Variants in NPAS3 observed in about 807,000 individuals in gnomAD.
NPAS3 encodes neuronal PAS domain protein 3.
Under a neutral mutation model 73.1 loss-of-function variants are expected in NPAS3, and 14 were observed. The ratio of observed to expected loss-of-function variants is 0.19; its 90% CI spans 0.13 to 0.30. NPAS3 has a LOEUF of 0.30. Ranked by LOEUF, NPAS3 falls within the 10% of genes least tolerant of loss-of-function variation. The pLI is 1.00. For synonymous variants in NPAS3, 620 were observed against 541.5 expected (o/e 1.14, Z -2.01); for missense variants, 1,096 against 1,250.0 (o/e 0.88, Z 1.86).
chr14:33,201,377 C>T (rs1377589420), intron 2 of NPAS3, among the ~76,000 whole-genome samples: 10 of 151,820 alleles, frequency 6.6e-5, no homozygotes, highest in Non-Finnish European at 1.5e-4. Context: ...CCCCATTGCC[C>T]CTGGTGGCTC....
chr14:33,751,684 A>C (rs2061967402), intron 7 of NPAS3, among the ~76,000 whole-genome samples: 2 of 152,198 alleles, frequency 1.3e-5, no homozygotes, highest in African/African-American at 4.8e-5. Context: ...TGACCTTTCA[A>C]GATGATAATT....
intron 3 of NPAS3, among the ~76,000 whole-genome samples, chr14:33,286,815 C>T (rs2041894991): frequency 6.6e-6 from 1 of 152,120 alleles, no homozygotes; most frequent in Non-Finnish European, 1.5e-5. Flanking sequence ...ACTTTTCCCA[C>T]TGTGAAGAAG....
At chr14:33,157,705 T>G (rs1049449782) in intron 2 of NPAS3, among the ~76,000 whole-genome samples, 3 of 152,220 alleles carry the variant, frequency 2.0e-5, no homozygotes, top group Non-Finnish European at 4.4e-5. Context: ...TCATGGAATA[T>G]GTACCTTATG....
intron 9 of NPAS3, among the ~76,000 whole-genome samples, chr14:33,790,530 C>G (rs2063326434): frequency 6.6e-6 from 1 of 151,766 alleles, no homozygotes; most frequent in African/African-American, 2.4e-5. Context: ...TGGAATGATC[C>G]AACTGATTTG....
intron 3 of NPAS3, among the ~76,000 whole-genome samples, chr14:33,302,001 G>A (rs7154576): frequency 0.094 from 14,304 of 152,172 alleles, 1,225 homozygotes; most frequent in African/African-American, 0.21. Context: ...CTCTCCGTGC[G>A]TGGCTTGCCT....
intron 2 of NPAS3, among the ~76,000 whole-genome samples, chr14:33,132,367 C>T (rs1047178068): frequency 6.6e-6 from 1 of 152,080 alleles, no homozygotes; most frequent in Non-Finnish European, 1.5e-5. Flanking sequence ...AATGAGTATC[C>T]AGATGATTTT....
intron 1 of NPAS3, among the ~76,000 whole-genome samples, chr14:32,961,342 T>G (rs969908396): frequency 7.1e-6 from 1 of 140,968 alleles, no homozygotes; most frequent in Non-Finnish European, 1.5e-5. Flanking sequence ...ACCAGGGAGG[T>G]GGAGGTTGCA....
chr14:33,425,369 GAGTT>G (rs1475634992), intron 4 of NPAS3, among the ~76,000 whole-genome samples: 2 of 151,946 alleles, frequency 1.3e-5, no homozygotes, highest in Non-Finnish European at 2.9e-5. Flanking sequence ...AGGAGTTGAT[GAGTT>G]AGTTACTTTT....
chr14:33,363,517 A>G lies in NPAS3; in HGVS notation c.386-3669A>G, dbSNP rs1488103532. Among the ~76,000 whole-genome samples, 3 of 152,210 alleles carry G rather than the reference A, an allele frequency of 2.0e-5. No individual in the cohort carries two copies. The East Asian group carries it at 5.8e-4, about 29-fold the overall frequency. ...TCCTAGATGATTTTTTAAAAAACCA[A>G]TAAACCCTTCTCCCTGTATTTCTCT... On this transcript the variant is annotated intron_variant, in intron 3 of 11. Transcript: ENST00000356141.
chr14:33,237,490 C>G (rs1265820505), intron 3 of NPAS3, among the ~76,000 whole-genome samples: 2 of 151,976 alleles, frequency 1.3e-5, no homozygotes, highest in East Asian at 1.9e-4. Flanking sequence ...AATCCCAGAC[C>G]ATGTTGTAAG....
chr14:32,935,038 C>G, upstream of NPAS3: 6 of 1,234,658 alleles, frequency 4.9e-6, no homozygotes, highest in Non-Finnish European at 5.1e-6. Context: ...ATAGTGCCCC[C>G]GCCCCGGGGT....
chr14:33,302,982 C>A (rs535921301), intron 3 of NPAS3, among the ~76,000 whole-genome samples: 6 of 151,884 alleles, frequency 4.0e-5, no homozygotes, highest in East Asian at 3.9e-4. Flanking sequence ...GCATTTGTGG[C>A]CTTGATCAAG....
chr14:33,241,016 G>A (rs1028892193), intron 3 of NPAS3, among the ~76,000 whole-genome samples: 1 of 151,930 alleles, frequency 6.6e-6, no homozygotes, highest in Non-Finnish European at 1.5e-5. Flanking sequence ...AACCTCAGCA[G>A]AATTCCCTTG....
intron 6 of NPAS3, among the ~76,000 whole-genome samples, chr14:33,679,467 T>C (rs183241600): frequency 1.3e-5 from 2 of 151,692 alleles, no homozygotes; most frequent in Non-Finnish European, 1.5e-5. Context: ...CAAGATTTCC[T>C]AATTCTTAAT....
At chr14:33,388,761 A>G (rs2046879500) in intron 4 of NPAS3, among the ~76,000 whole-genome samples, 1 of 152,192 alleles carries the variant, frequency 6.6e-6, no homozygotes, top group Non-Finnish European at 1.5e-5. Flanking sequence ...GAGATAGGAA[A>G]TGATAGAACC....
intron 5 of NPAS3, among the ~76,000 whole-genome samples, chr14:33,636,224 C>G (rs1445461833): frequency 6.6e-6 from 1 of 152,186 alleles, no homozygotes; most frequent in Non-Finnish European, 1.5e-5. Flanking sequence ...CTGGCCCTAA[C>G]TTACTTTTTA....
At chr14:33,018,826 G>A (rs551886404) in intron 1 of NPAS3, among the ~76,000 whole-genome samples, 187 of 152,036 alleles carry the variant, frequency 1.2e-3, no homozygotes, top group Non-Finnish European at 1.3e-3. Context: ...GGAAATCATC[G>A]TGTTTAAAGA....
At chr14:33,078,504 A>G (rs1165050236) in intron 2 of NPAS3, among the ~76,000 whole-genome samples, 1 of 149,088 alleles carries the variant, frequency 6.7e-6, no homozygotes, top group Non-Finnish European at 1.5e-5. Context: ...TTGGTAATGT[A>G]TACATTAATG....
At chr14:33,603,333 C>T (rs59416973) in intron 5 of NPAS3, among the ~76,000 whole-genome samples, 1 of 152,140 alleles carries the variant, frequency 6.6e-6, no homozygotes, top group Non-Finnish European at 1.5e-5. Context: ...AAATGAATAG[C>T]TCATCAGTGA....
Sources: allele counts gnomAD v4.1 joint callset (sites outside exome capture counted in the v4.1 genomes callset), GRCh38; gene constraint gnomAD v4.1.1; transcripts MANE v1.5; gene names NCBI Gene and HGNC (gene_info 2026-07-23, HGNC 2026-07-21).